Variants in RNF103 observed in about 807,000 individuals in gnomAD.
RNF103 encodes E3 ubiquitin-protein ligase RNF103.
RNF103 carries 23 observed loss-of-function variants against 66.2 expected under a neutral mutation model. The ratio of observed to expected loss-of-function variants is 0.35; its 90% confidence interval spans 0.25 to 0.49. The LOEUF is 0.49. Among genes scored for constraint, RNF103 ranks in the 20% least tolerant of loss-of-function variants. The pLI, the probability that RNF103 is intolerant of heterozygous loss-of-function variation, is 0.98. For missense variants in RNF103, 730 were observed against 814.7 expected (o/e 0.90, Z 1.27); for synonymous variants, 297 against 289.9 (o/e 1.02, Z -0.25).
intron 3 of RNF103, among the ~76,000 whole-genome samples, chr2:86,605,678 C>T (rs1678520364): frequency 6.6e-6 from 1 of 152,090 alleles, no homozygotes; most frequent in Admixed American, 6.5e-5. Context: ...ACTTCAGCAT[C>T]TCTCATGTAC....
chr2:86,623,387 C>T lies in RNF103; in HGVS notation c.-501G>A, dbSNP rs1045953768. On this transcript the variant is annotated 5_prime_UTR_variant, in exon 1 of 4. Coordinates refer to ENST00000237455, the MANE Select transcript of RNF103 (RefSeq NM_005667.4). Reference sequence around the variant, plus strand: ...CCGAGGGGCCGTGGGGGCCGGACTCCCGCGGCCGCGGGTCAGGAGGGCGCG... The same window carrying T: ...CCGAGGGGCCGTGGGGGCCGGACTCTCGCGGCCGCGGGTCAGGAGGGCGCG... The T allele has an allele frequency of 4.0e-5, 39 of 979,780 alleles. No homozygotes were observed. The African/African-American group carries it at 6.3e-4, about 16-fold the overall frequency. The allele number at this position is 979,780 out of a possible 1,614,324, so 60.7% of individuals were successfully genotyped here. A position where few individuals can be genotyped will look rare whatever the true frequency, so the allele number is the denominator to read the frequency against.
At chr2:86,613,259 A>G (rs1678868750) in intron 2 of RNF103, 1 of 152,128 alleles carries the variant, frequency 6.6e-6, no homozygotes, top group Non-Finnish European at 1.5e-5. Context: ...GACCTTCAAA[A>G]TATGTCAAGA....
chr2:86,617,958 C>A, intron 2 of RNF103: 1 of 590,176 alleles, frequency 1.7e-6, no homozygotes, highest in African/African-American at 1.9e-5. Flanking sequence ...ATGTAAGCCA[C>A]TGGCCTCAAG....
At chr2:86,615,851 C>T (rs1159516824) in intron 2 of RNF103, among the ~76,000 whole-genome samples, 1 of 152,118 alleles carries the variant, frequency 6.6e-6, no homozygotes, top group East Asian at 1.9e-4. Context: ...ACTTGCTCAC[C>T]ACTGTAGTCC....
chr2:86,606,788 TATA>T (rs1266326494), intron 3 of RNF103, among the ~76,000 whole-genome samples: 1 of 152,062 alleles, frequency 6.6e-6, no homozygotes, highest in Admixed American at 6.5e-5. Flanking sequence ...ATTTTATTTT[TATA>T]ATAAGAGATA....
intron 2 of RNF103, chr2:86,615,079 T>G (rs2104243592): frequency 1.0e-6 from 1 of 985,380 alleles, no homozygotes. Flanking sequence ...GAAGGAGGAA[T>G]GAGAGGGGTT....
rs1458626992 is a variant in RNF103, at chr2:86,623,001, G to C, written c.-115C>G. The C allele has an allele frequency of 7.2e-7, 1 of 1,391,614 alleles. No homozygotes were observed. The highest frequency in any genetic ancestry group is 3.4e-5 in the Admixed American group (1 of 29,356). The allele number at this position is 1,391,614 out of a possible 1,614,324, so 86.2% of individuals were successfully genotyped here. ...GGCGAGGGCCCCGTGTCCACGCGCG[G>C]GCCACCCGGCGCCGTCACTGGCCGG... On this transcript the variant is annotated 5_prime_UTR_variant, in exon 1 of 4. Transcript: ENST00000237455.
rs913027285 is a variant in RNF103, at chr2:86,622,989, T to C, written c.-103A>G. 2.8e-6 allele frequency: 4 copies of C among 1,412,456 alleles called. No homozygotes were observed. Among genetic ancestry groups the C allele is most frequent in the Admixed American group, 6.3e-5 (2 of 31,840 alleles). The allele number at this position is 1,412,456 out of a possible 1,614,324, so 87.5% of individuals were successfully genotyped here. On this transcript the variant is annotated 5_prime_UTR_variant, in exon 1 of 4. Transcript: ENST00000237455. ...GGTGGCAGCTTGGGCGAGGGCCCCGTGTCCACGCGCGGGCCACCCGGCGCC... is the reference window on the plus strand; with the variant it reads ...GGTGGCAGCTTGGGCGAGGGCCCCGCGTCCACGCGCGGGCCACCCGGCGCC...
intron 2 of RNF103, chr2:86,616,442 T>G (rs1225431823): frequency 1.1e-6 from 1 of 908,096 alleles, no homozygotes; most frequent in East Asian, 1.2e-4. Context: ...GGTCTTTTAA[T>G]TTTTTTGTAT....
chr2:86,622,948 G>A lies in RNF103; in HGVS notation c.-62C>T. 2 of 1,504,656 alleles carry A rather than the reference G, an allele frequency of 1.3e-6. No homozygotes were observed. The highest frequency in any genetic ancestry group is 1.8e-6 in the Non-Finnish European group (2 of 1,124,886). 93.2% of individuals were successfully genotyped at this position (1,504,656 alleles called of 1,614,324 possible). A position where few individuals can be genotyped will look rare whatever the true frequency, so the allele number is the denominator to read the frequency against. ...AATACGGGAGAGAGAAGGGTCGAGG[G>A]CGGGGGCCGCGGCTCGGTGGCAGCT... On this transcript the variant is annotated 5_prime_UTR_variant, in exon 1 of 4. Coordinates refer to ENST00000237455, the MANE Select transcript of RNF103 (RefSeq NM_005667.4).
chr2:86,619,876 T>C (rs531992077), intron 2 of RNF103, among the ~76,000 whole-genome samples: 2 of 152,210 alleles, frequency 1.3e-5, no homozygotes, highest in African/African-American at 2.4e-5. Context: ...AGCTCCTCTA[T>C]AGTCACAAAG....
intron 3 of RNF103, among the ~76,000 whole-genome samples, chr2:86,605,794 T>C (rs531508899): frequency 3.6e-4 from 55 of 152,334 alleles, no homozygotes; most frequent in African/African-American, 1.3e-3. Context: ...AAACTGTATA[T>C]ATTCTGTTGC....
rs373564785 is a variant in RNF103 at position 86,604,681 on chromosome 2, C to T, written c.1220G>A (p.Arg407Lys). Reference sequence around the variant, plus strand: ...TGAAGAGTAAAACATCCAGTCTGCCCTTACCCATGAAGCCAGTGTGGTTGT... The same window carrying T: ...TGAAGAGTAAAACATCCAGTCTGCCTTTACCCATGAAGCCAGTGTGGTTGT... ...SNTTTLASWV[R>K]ADWMFYSSHP... The change falls in exon 4 of 4, where the codon AGG (arginine) becomes AAG (lysine). Residue 407 changes from arginine (R) to lysine (K), a missense_variant. Arg to Lys is a conservative substitution (Grantham distance 26, BLOSUM62 2). Around this residue, in one of 3 missense-constraint regions of RNF103, gnomAD observed 355 missense variants for 351.9 expected, o/e 1.01. Transcript: ENST00000237455. The T allele has an allele frequency of 1.2e-5, 20 of 1,614,172 alleles. No homozygotes were observed. Among genetic ancestry groups the T allele is most frequent in the Non-Finnish European group, 1.6e-5 (19 of 1,180,032 alleles).
At position 86,623,493 on chromosome 2, in the gene RNF103, A is replaced by G. The variant is rs1409044920; in HGVS notation, c.-607T>C. 47 of 982,900 alleles carry G rather than the reference A, an allele frequency of 4.8e-5. No individual in the cohort carries two copies. The highest frequency in any genetic ancestry group is 6.2e-5 in the Admixed American group (1 of 16,036). 60.9% of individuals were successfully genotyped at this position (982,900 alleles called of 1,614,324 possible). A position where few individuals can be genotyped will look rare whatever the true frequency, so the allele number is the denominator to read the frequency against. Reference sequence around the variant, plus strand: ...CGCCGCAACGCCGCGCCCGAAGCCCAGGCCCCAGGCCCCGCCGACCGCCCA... The same window carrying G: ...CGCCGCAACGCCGCGCCCGAAGCCCGGGCCCCAGGCCCCGCCGACCGCCCA... On this transcript the variant is annotated 5_prime_UTR_variant, in exon 1 of 4. Transcript: ENST00000237455.
rs776825311 is a variant in RNF103 at position 86,604,093 on chromosome 2, T to A, written c.1808A>T (p.Asp603Val). Residue 603 changes from aspartate (D) to valine (V), a missense_variant, in exon 4 of 4, where the codon GAT (aspartate) becomes GTT (valine). Coordinates refer to ENST00000237455, the MANE Select transcript of RNF103 (RefSeq NM_005667.4). ...RSYGSYNTNEDMEPDWLTWPA... is the reference protein window; with the variant it reads ...RSYGSYNTNEVMEPDWLTWPA... ...CCAAGTTAACCAATCAGGTTCCATA[T>A]CTTCATTAGTGTTATATGATCCATA... 16 of 1,613,570 alleles carry A rather than the reference T, an allele frequency of 9.9e-6. No individual in the cohort carries two copies. The Admixed American group carries it at 1.5e-4, about 15-fold the overall frequency.
chr2:86,612,024 C>T (rs1251428725), intron 3 of RNF103, 135 bp downstream of exon 3: 2 of 509,098 alleles, frequency 3.9e-6, no homozygotes, highest in Non-Finnish European at 6.9e-6. Flanking sequence ...ATTAATCAAG[C>T]ACCTATGTAA....
chr2:86,609,384 AT>A (rs112431636), intron 3 of RNF103, among the ~76,000 whole-genome samples: 9,042 of 134,316 alleles, frequency 0.067, 429 homozygotes, highest in African/African-American at 0.15. Flanking sequence ...AGCCTCAGGT[AT>A]TTTTTTTTTT....
At chr2:86,613,320 T>C (rs1187636749) in intron 2 of RNF103, 3 of 152,070 alleles carry the variant, frequency 2.0e-5, no homozygotes, top group Non-Finnish European at 4.4e-5. Flanking sequence ...TTTCCCTTTA[T>C]CTCCTAATCT....
intron 2 of RNF103, chr2:86,616,551 C>A: frequency 7.1e-6 from 7 of 985,250 alleles, no homozygotes; most frequent in Non-Finnish European, 8.4e-6. Flanking sequence ...GAAAGAAATA[C>A]GTAATTTAGA....
Sources: allele counts gnomAD v4.1 joint callset (sites outside exome capture counted in the v4.1 genomes callset), GRCh38; gene constraint gnomAD v4.1.1; regional missense constraint gnomAD v4.1.1; transcripts MANE v1.5; gene names NCBI Gene and HGNC (gene_info 2026-07-23, HGNC 2026-07-21).